The following KANK4 variants were observed in gnomAD, a reference collection of about 807,000 sequenced individuals.
The protein encoded by KANK4 is KN motif and ankyrin repeat domain-containing protein 4.
In KANK4, 50 loss-of-function variants were observed where a neutral mutation model predicts 80.8. That is an observed-to-expected ratio of 0.62 (90% confidence interval 0.49 to 0.78). The LOEUF is 0.78. Ranked by LOEUF, KANK4 falls within the 30% of genes least tolerant of loss-of-function variation. The pLI is 0.00. For missense variants in KANK4, 1,196 were observed against 1,240.1 expected (o/e 0.96, Z 0.53); for synonymous variants, 465 against 506.9 (o/e 0.92, Z 1.11).
chr1:62,281,945 C>T (rs979034570), intron 1 of KANK4, among the ~76,000 whole-genome samples: 3 of 152,104 alleles, frequency 2.0e-5, no homozygotes, highest in African/African-American at 4.8e-5. Context: ...TCAGACTATT[C>T]GTGAAGGTGC....
chr1:62,312,745 C>G (rs2149174360), intron 1 of KANK4, among the ~76,000 whole-genome samples: 1 of 152,358 alleles, frequency 6.6e-6, no homozygotes, highest in Non-Finnish European at 1.5e-5. Flanking sequence ...GCTCAGACAT[C>G]AGGATGCTCT....
In KANK4 at chr1:62,236,593, A is replaced by ATTTTTTTTTTTT. The variant is rs11449212; in HGVS notation, c.*1672_*1683dup. 1.6e-5 allele frequency among the ~76,000 whole-genome samples: 2 copies of ATTTTTTTTTTTT among 124,414 alleles called. No homozygotes were observed. Among genetic ancestry groups the ATTTTTTTTTTTT allele is most frequent in the African/African-American group, 3.1e-5 (1 of 32,206 alleles). The allele number at this position is 124,414 out of a possible 152,430, so 81.6% of individuals were successfully genotyped here. A position where few individuals can be genotyped will look rare whatever the true frequency, so the allele number is the denominator to read the frequency against. ...ATGGCCTTAATGGGTTACAAATTGG[A>ATTTTTTTTTTTT]TTTTTTTTTTTTTTTTTTTTGAGAC... On this transcript the variant is annotated 3_prime_UTR_variant, in exon 10 of 10. Coordinates refer to ENST00000371153, the MANE Select transcript of KANK4 (RefSeq NM_181712.5).
chr1:62,254,231 C>T (rs1671695746), intron 7 of KANK4, among the ~76,000 whole-genome samples: 1 of 152,118 alleles, frequency 6.6e-6, no homozygotes, highest in South Asian at 2.1e-4. Flanking sequence ...ACAATGGAAA[C>T]CTAGCATTAT....
chr1:62,272,785 C>CTTTTTTTTTTTTTTTTTTTTTTTT (rs199937101), intron 3 of KANK4: 1 of 145,654 alleles, frequency 6.9e-6, no homozygotes, highest in African/African-American at 2.8e-5. Context: ...GTACTAAAAT[C>CTTTTTTTTTTTTTTTTTTTTTTTT]TTTTTTTCTT....
chr1:62,284,380 G>A (rs1310714785), intron 1 of KANK4, among the ~76,000 whole-genome samples: 2 of 152,100 alleles, frequency 1.3e-5, no homozygotes, highest in South Asian at 2.1e-4. Flanking sequence ...CATTTCTTTT[G>A]ATCTCAGCTC....
At position 62,274,923 on chromosome 1, in the gene KANK4, C is replaced by T; in HGVS notation, c.181G>A (p.Ala61Thr). ...AGAGTGCTAAATTTGGCCTGCTTGG[C>T]CCTTCTGTGGATAGGAATTCTTTTG... ...TIKRIPIHRRAKQAKFSTLPR... is the reference protein window; with the variant it reads ...TIKRIPIHRRTKQAKFSTLPR... Residue 61 changes from alanine (A) to threonine (T), a missense_variant, in exon 3 of 10, where the codon GCC becomes ACC. Ala to Thr is a moderately conservative substitution (Grantham distance 58). Transcript: ENST00000371153. 5 of 1,614,132 alleles carry T rather than the reference C, an allele frequency of 3.1e-6. No individual in the cohort carries two copies. The South Asian group carries it at 5.5e-5, about 18-fold the overall frequency.
intron 7 of KANK4, among the ~76,000 whole-genome samples, chr1:62,262,295 C>T (rs1030641259): frequency 3.3e-5 from 5 of 152,156 alleles, no homozygotes; most frequent in African/African-American, 1.2e-4. Flanking sequence ...TTAGCTGCAA[C>T]ATGAGAACAA....
At chr1:62,308,103 G>A (rs1432277704) in intron 1 of KANK4, among the ~76,000 whole-genome samples, 1 of 152,134 alleles carries the variant, frequency 6.6e-6, no homozygotes, top group African/African-American at 2.4e-5. Flanking sequence ...TGGTCTCTGG[G>A]CCCCAGGAAC....
At position 62,242,329 on chromosome 1, in the gene KANK4, T is replaced by C. The variant is rs137950374; in HGVS notation, c.2884-3948A>G. Among the ~76,000 whole-genome samples the C allele has an allele frequency of 1.7e-3, 203 of 117,770 alleles. 3 individuals are homozygous for C. The highest frequency in any genetic ancestry group is 6.4e-3 in the African/African-American group (190 of 29,494). 77.3% of individuals were successfully genotyped at this position (117,770 alleles called of 152,430 possible). A position where few individuals can be genotyped will look rare whatever the true frequency, so the allele number is the denominator to read the frequency against. ...ATAAGCCATGATCGTGCCACTGCACTCCAGCCTGGGCAACAGGGTGAGACC... is the reference window on the plus strand; with the variant it reads ...ATAAGCCATGATCGTGCCACTGCACCCCAGCCTGGGCAACAGGGTGAGACC... On this transcript the variant is annotated intron_variant, in intron 9 of 9. Transcript: ENST00000371153.
In KANK4 at chr1:62,247,522, C is replaced by T. The variant is rs753635835; in HGVS notation, c.2833G>A (p.Val945Met). 2 of 1,614,024 alleles carry T rather than the reference C, an allele frequency of 1.2e-6. No homozygotes were observed. The highest frequency in any genetic ancestry group is 1.7e-6 in the Non-Finnish European group (2 of 1,180,022). The stretch of plus-strand genomic sequence containing the variant: ...GCTGGGTGTGCCAGGAGCAGCCGCA[C>T]CAGGTCCACGTTGCCATGGTGACAG... ...VACHHGNVDL[V>M]RLLLAHPACD... The change falls in exon 9 of 10, where the codon GTG (valine) becomes ATG (methionine). Residue 945 changes from valine (V) to methionine (M), a missense_variant. Coordinates refer to ENST00000371153, the MANE Select transcript of KANK4 (RefSeq NM_181712.5).
intron 4 of KANK4, among the ~76,000 whole-genome samples, chr1:62,270,062 C>G (rs1010044935): frequency 6.6e-6 from 1 of 152,138 alleles, no homozygotes; most frequent in Non-Finnish European, 1.5e-5. Context: ...GGAGAGGAGG[C>G]CTTTAGCAGG....
At position 62,274,834 on chromosome 1, in the gene KANK4, G is replaced by C. The variant is rs1306789072; in HGVS notation, c.270C>G (p.Asn90Lys). The change falls in exon 3 of 10, where the codon AAC (asparagine) becomes AAG (lysine). Residue 90 changes from asparagine to lysine, a missense_variant. Transcript: ENST00000371153. ...ARPPAAPPLQNWSPVVPREAS... is the reference protein window; with the variant it reads ...ARPPAAPPLQKWSPVVPREAS... Reference sequence around the variant, plus strand: ...CCTCCCTTGGCACCACGGGAGACCAGTTTTGGAGGGGCGGGGCTGCAGGGG... The same window carrying C: ...CCTCCCTTGGCACCACGGGAGACCACTTTTGGAGGGGCGGGGCTGCAGGGG... 1.9e-6 allele frequency: 3 copies of C among 1,614,006 alleles called. No individual in the cohort carries two copies. The highest frequency in any genetic ancestry group is 2.5e-6 in the Non-Finnish European group (3 of 1,180,006).
In KANK4 at chr1:62,263,255, C is replaced by A; in HGVS notation, c.2376G>T (p.Ser792=). ...AGGAGGCCACCACGGCGGGGCTAGACGACTTCCGGCTGGAGACGCGGAACC... is the reference window on the plus strand; with the variant it reads ...AGGAGGCCACCACGGCGGGGCTAGAAGACTTCCGGCTGGAGACGCGGAACC... ...QEWFRVSSRK[S]SSPAVVASYL... The change falls in exon 7 of 10, where the codon TCG becomes TCT. Residue 792 remains serine (S), a synonymous_variant. Transcript: ENST00000371153. 1 of 1,613,468 alleles carries A rather than the reference C, an allele frequency of 6.2e-7. No homozygotes were observed. Among genetic ancestry groups the A allele is most frequent in the African/African-American group, 1.3e-5 (1 of 74,988 alleles).
intron 1 of KANK4, among the ~76,000 whole-genome samples, chr1:62,286,760 C>G (rs186731174): frequency 1.3e-5 from 2 of 152,152 alleles, no homozygotes; most frequent in East Asian, 1.9e-4. Context: ...TCCCTACCCC[C>G]TCCTGGGGCC....
At chr1:62,291,634 G>T (rs1672680330) in intron 1 of KANK4, among the ~76,000 whole-genome samples, 1 of 151,980 alleles carries the variant, frequency 6.6e-6, no homozygotes, top group Non-Finnish European at 1.5e-5. Context: ...TTGAGACAGA[G>T]TCTCTCCCTG....
chr1:62,250,917 A>G (rs532136769), intron 8 of KANK4, among the ~76,000 whole-genome samples: 28 of 152,296 alleles, frequency 1.8e-4, no homozygotes, highest in African/African-American at 6.0e-4. Context: ...ACTATCTGCA[A>G]TCTCTCTGGG....
intron 1 of KANK4, among the ~76,000 whole-genome samples, chr1:62,306,410 T>C (rs931576920): frequency 6.6e-6 from 1 of 152,224 alleles, no homozygotes; most frequent in Admixed American, 6.5e-5. Context: ...AAAAATTTTC[T>C]ATACAAATAT....
chr1:62,268,575 C>G (rs1672084931), intron 4 of KANK4, 70 bp from the exon 5 acceptor site: 3 of 1,279,672 alleles, frequency 2.3e-6, no homozygotes, highest in South Asian at 2.4e-5. Flanking sequence ...CCAGTGAGAG[C>G]TGGGTGGGCC....
chr1:62,278,320 TCTTC>T lies in KANK4; in HGVS notation c.16+3225_16+3228del, dbSNP rs1166178685. Reference sequence around the variant, plus strand: ...GGCATTTCCTGGGGCACATTTTCTTTCTTCCTTCCTTCCTTCCTTCCTTCCTTCC... The same window carrying T: ...GGCATTTCCTGGGGCACATTTTCTTTCTTCCTTCCTTCCTTCCTTCCTTCC... On this transcript the variant is annotated intron_variant, in intron 2 of 9. Coordinates refer to ENST00000371153, the MANE Select transcript of KANK4 (RefSeq NM_181712.5). 4.9e-3 allele frequency among the ~76,000 whole-genome samples: 296 copies of T among 60,482 alleles called. 32 individuals are homozygous for T. The highest frequency in any genetic ancestry group is 8.5e-3 in the Non-Finnish European group (247 of 29,002). 39.7% of individuals were successfully genotyped at this position (60,482 alleles called of 152,430 possible). A position where few individuals can be genotyped will look rare whatever the true frequency, so the allele number is the denominator to read the frequency against.
Sources: allele counts gnomAD v4.1 joint callset (sites outside exome capture counted in the v4.1 genomes callset), GRCh38; gene constraint gnomAD v4.1.1; transcripts MANE v1.5; gene names NCBI Gene and HGNC (gene_info 2026-07-23, HGNC 2026-07-21).